COL6A6: variants seen among roughly 807,000 people sequenced by gnomAD.
COL6A6 encodes collagen alpha-6(VI) chain.
Under a neutral mutation model 208.6 loss-of-function variants are expected in COL6A6, and 183 were observed. The ratio of observed to expected loss-of-function variants is 0.88; its 90% CI spans 0.78 to 0.99. COL6A6 has a LOEUF of 0.99. Among genes scored for constraint, COL6A6 ranks in the 50% least tolerant of loss-of-function variants. COL6A6 has a pLI of 0.00. For missense variants in COL6A6, 2,816 were observed against 2,815.2 expected, an observed-to-expected ratio of 1.00 and a Z score of -0.01; for synonymous variants, 973 against 1,011.8, an observed-to-expected ratio of 0.96 and a Z score of 0.73.
chr3:130,639,385 G>T (rs2065245622), intron 28 of COL6A6, among the ~76,000 whole-genome samples: 1 of 152,078 alleles, frequency 6.6e-6, no homozygotes, highest in Non-Finnish European at 1.5e-5. Context: ...TCATATTTAA[G>T]AATTGAAGAC....
rs921611456 is a variant in COL6A6 at position 130,586,596 on chromosome 3, T to A, written c.4061T>A (p.Phe1354Tyr). ...CCCTATATTGAATTTGGGAAAGGAT[T>A]TGAGTACAGGACACAGCTCTCTATT... The part of the protein sequence containing the change: ...DLPYIEFGKG[F>Y]EYRTQLSIGM... Residue 1354 changes from phenylalanine (F) to tyrosine (Y), a missense_variant, in exon 11 of 37, where the codon TTT (phenylalanine) becomes TAT (tyrosine). Transcript: ENST00000358511. 6.2e-7 allele frequency: 1 copy of A among 1,613,870 alleles called. No individual in the cohort carries two copies. Among genetic ancestry groups the A allele is most frequent in the African/African-American group, 1.3e-5 (1 of 74,936 alleles).
intron 36 of COL6A6, among the ~76,000 whole-genome samples, chr3:130,666,370 T>C (rs2066075036): frequency 6.6e-6 from 1 of 152,228 alleles, no homozygotes; most frequent in Admixed American, 6.5e-5. Context: ...GAGATAGGTA[T>C]GCTGAAGTAC....
chr3:130,641,747 C>A, intron 29 of COL6A6, 33 bp downstream of exon 29: 1 of 1,325,928 alleles, frequency 7.5e-7, no homozygotes, highest in South Asian at 1.3e-5. Flanking sequence ...ACAGCAGGTC[C>A]TTTTCCATTA....
At chr3:130,586,727 A>G in intron 11 of COL6A6, 67 bp downstream of exon 11, 1 of 1,435,420 alleles carries the variant, frequency 7.0e-7, no homozygotes, top group South Asian at 1.4e-5. Flanking sequence ...TTTAATACTT[A>G]TGCTTAAGAA....
chr3:130,672,211 C>T (rs1214223586), intron 36 of COL6A6, among the ~76,000 whole-genome samples: 3 of 152,184 alleles, frequency 2.0e-5, no homozygotes, highest in Non-Finnish European at 4.4e-5. Flanking sequence ...TTAGTCCCAC[C>T]TAACCTTATC....
Position 130,568,288 on chromosome 3 carries a change from T to G in COL6A6, c.2085T>G (p.Ile695Met), listed in dbSNP as rs750457878. ...ISNAIDQMAH[I>M]GQTTLTGSAL... ...ATGCAATAGACCAAATGGCTCACAT[T>G]GGACAAACCACCCTGACTGGTAGTG... Residue 695 changes from isoleucine (I) to methionine (M), a missense_variant, in exon 6 of 37, where the codon ATT becomes ATG. Transcript: ENST00000358511. The G allele has an allele frequency of 4.3e-6, 7 of 1,613,878 alleles. No individual in the cohort carries two copies. Among genetic ancestry groups the G allele is most frequent in the South Asian group, 3.3e-5 (3 of 91,086 alleles).
intron 28 of COL6A6, among the ~76,000 whole-genome samples, chr3:130,637,740 T>G (rs2065199858): frequency 6.6e-6 from 1 of 152,188 alleles, no homozygotes; most frequent in African/African-American, 2.4e-5. Flanking sequence ...TTTTTTTTCC[T>G]CAAAAAACAT....
At chr3:130,558,578 G>A (rs1006610382) in intron 1 of COL6A6, among the ~76,000 whole-genome samples, 2 of 152,052 alleles carry the variant, frequency 1.3e-5, no homozygotes, top group South Asian at 2.1e-4. Flanking sequence ...CCAAATCCTC[G>A]CTTCTCTGTC....
chr3:130,645,400 C>A (rs2108382975), intron 32 of COL6A6, among the ~76,000 whole-genome samples: 1 of 152,248 alleles, frequency 6.6e-6, no homozygotes, highest in South Asian at 2.1e-4. Context: ...ACTTCAACCT[C>A]CGGAGTAGTT....
chr3:130,564,341 T>G (rs1183171058), intron 3 of COL6A6, among the ~76,000 whole-genome samples: 3 of 152,220 alleles, frequency 2.0e-5, no homozygotes, highest in South Asian at 2.1e-4. Context: ...GTAACAAGAA[T>G]GGTCAAGAGT....
At chr3:130,603,059 T>G (rs1004238855) in intron 20 of COL6A6, among the ~76,000 whole-genome samples, 3 of 152,170 alleles carry the variant, frequency 2.0e-5, no homozygotes, top group Non-Finnish European at 4.4e-5. Flanking sequence ...AGGAGTGGCA[T>G]GCGGGGAAAT....
At chr3:130,644,930 G>C (rs1283188431) in intron 31 of COL6A6, 61 bp from the exon 32 acceptor site, 2 of 1,509,822 alleles carry the variant, frequency 1.3e-6, no homozygotes, top group Non-Finnish European at 1.8e-6. Flanking sequence ...TTTCCTGCAC[G>C]ATACAGAACT....
At position 130,637,452 on chromosome 3, in the gene COL6A6, A is replaced by C. The variant is rs192535465; in HGVS notation, c.5091+1691A>C. On this transcript the variant is annotated intron_variant, in intron 28 of 36. Transcript: ENST00000358511. ...ATAAACTTTTTCTGTTGGCCTTTGA[A>C]AATGTTTGAAAATTTTTTTTTCTCC... Among the ~76,000 whole-genome samples the C allele has an allele frequency of 4.3e-3, 660 of 152,178 alleles. 3 individuals carry two copies. The highest frequency in any genetic ancestry group is 0.015 in the African/African-American group (642 of 41,538).
intron 23 of COL6A6, among the ~76,000 whole-genome samples, chr3:130,612,912 C>A (rs2064403639): frequency 6.6e-6 from 1 of 152,154 alleles, no homozygotes; most frequent in South Asian, 2.1e-4. Flanking sequence ...CCTTAAGATT[C>A]TAGATATCAG....
At chr3:130,669,399 AT>A (rs1338212525) in intron 36 of COL6A6, among the ~76,000 whole-genome samples, 2 of 151,694 alleles carry the variant, frequency 1.3e-5, no homozygotes, top group Non-Finnish European at 2.9e-5. Context: ...TCTCAAAAAA[AT>A]ATATATATAA....
chr3:130,544,997 T>C lies in COL6A6; in HGVS notation c.-31-15337T>C, dbSNP rs1174116261. On this transcript the variant is annotated intron_variant, in intron 1 of 36. Transcript: ENST00000358511. Reference sequence around the variant, plus strand: ...TCATTTTGTTGATTATTTCCTTTGCTGTGCTGAAACATTTTAGTTTGATGT... The same window carrying C: ...TCATTTTGTTGATTATTTCCTTTGCCGTGCTGAAACATTTTAGTTTGATGT... Among the ~76,000 whole-genome samples the C allele has an allele frequency of 2.6e-5, 4 of 152,358 alleles. No individual in the cohort carries two copies. The East Asian group carries it at 7.7e-4, about 29-fold the overall frequency.
intron 36 of COL6A6, among the ~76,000 whole-genome samples, chr3:130,668,710 T>A (rs2066137657): frequency 6.6e-6 from 1 of 152,172 alleles, no homozygotes; most frequent in African/African-American, 2.4e-5. Context: ...GATAAAACAA[T>A]TTTAAATTGA....
In COL6A6 at chr3:130,551,473, G is replaced by A. The variant is rs77667898; in HGVS notation, c.-31-8861G>A. ...GTTCATAGAGCTGTTCATAGGAATC[G>A]GAGTTTTTTGTATTTCTATGGGGTT... On this transcript the variant is annotated intron_variant, in intron 1 of 36. Coordinates refer to ENST00000358511, the MANE Select transcript of COL6A6 (RefSeq NM_001102608.3). Among the ~76,000 whole-genome samples the A allele has an allele frequency of 3.4e-3, 519 of 151,918 alleles. 14 individuals are homozygous for A. In the East Asian group the frequency reaches 0.056, roughly 16 times the overall value.
chr3:130,557,149 T>A (rs1339129595), intron 1 of COL6A6, among the ~76,000 whole-genome samples: 2 of 151,820 alleles, frequency 1.3e-5, no homozygotes, highest in African/African-American at 4.8e-5. Context: ...TTATAGCCTG[T>A]GCACTTTTCA....
Sources: gnomAD v4.1 joint callset for allele counts (sites outside exome capture counted in the v4.1 genomes callset) on GRCh38, gnomAD v4.1.1 for gene constraint, MANE v1.5 for transcripts, NCBI Gene and HGNC (gene_info 2026-07-23, HGNC 2026-07-21) for gene names.